Variants in USP32 observed in about 807,000 individuals in gnomAD.
The protein encoded by USP32 is ubiquitin specific peptidase 32.
Under a neutral mutation model 204.8 loss-of-function variants are expected in USP32, and 59 were observed. That is an observed-to-expected ratio of 0.29 (90% CI 0.23 to 0.36). USP32 has a LOEUF of 0.36. USP32 is among the 10% of genes least tolerant of loss of function. The pLI, the probability that USP32 is intolerant of heterozygous loss-of-function variation, is 1.00. For missense variants in USP32, 1,160 were observed against 1,946.4 expected (o/e 0.60, Z 7.60); for synonymous variants, 517 against 678.4 (o/e 0.76, Z 3.70).
In USP32 at chr17:60,269,511, A is replaced by G; in HGVS notation, c.750T>C (p.Phe250=). 6.2e-7 allele frequency: 1 copy of G among 1,611,540 alleles called. No homozygotes were observed. The highest frequency in any genetic ancestry group is 1.1e-5 in the South Asian group (1 of 90,440). ...FDENRDNHID[F]KEISCGLSAC... ...CTGATAACCCACAGGATATCTCCTT[A>G]AAATCTATGTGATTGTCACGATTTT... The change falls in exon 7 of 34, where the codon TTT becomes TTC. Residue 250 remains phenylalanine (F), a synonymous_variant. Transcript: ENST00000300896.
At chr17:60,370,473 A>C (rs1420073767) in intron 1 of USP32, among the ~76,000 whole-genome samples, 1 of 152,154 alleles carries the variant, frequency 6.6e-6, no homozygotes, top group East Asian at 1.9e-4. Flanking sequence ...TCAAAAAATT[A>C]TTTGAGGCTG....
chr17:60,295,745 G>C (rs1471253386), intron 3 of USP32, among the ~76,000 whole-genome samples: 1 of 151,558 alleles, frequency 6.6e-6, no homozygotes, highest in East Asian at 1.9e-4. Flanking sequence ...ATAGTATATT[G>C]TTATAATATT....
At chr17:60,364,129 T>C (rs1287297416) in intron 1 of USP32, among the ~76,000 whole-genome samples, 2 of 152,096 alleles carry the variant, frequency 1.3e-5, no homozygotes, top group Non-Finnish European at 1.5e-5. Context: ...GGTGAGAGCC[T>C]TTTCCTCATA....
intron 31 of USP32, among the ~76,000 whole-genome samples, chr17:60,182,384 T>C (rs2084133294): frequency 6.6e-6 from 1 of 152,228 alleles, no homozygotes; most frequent in Non-Finnish European, 1.5e-5. Flanking sequence ...GACGATATTA[T>C]TCCATGTCAT....
At chr17:60,238,829 G>C (rs1286917398) in intron 11 of USP32, among the ~76,000 whole-genome samples, 1 of 150,638 alleles carries the variant, frequency 6.6e-6, no homozygotes, top group Non-Finnish European at 1.5e-5. Context: ...AAAATTAGCT[G>C]GTTGTGGTGG....
At chr17:60,219,469 C>A (rs565095642) in intron 16 of USP32, 9 of 747,680 alleles carry the variant, frequency 1.2e-5, no homozygotes, top group African/African-American at 3.6e-5. Context: ...TAGTTCTAAG[C>A]CCTGTAAAAA....
chr17:60,371,253 TAAA>T (rs373242290), intron 1 of USP32, among the ~76,000 whole-genome samples: 2 of 66,290 alleles, frequency 3.0e-5, no homozygotes, highest in African/African-American at 5.2e-5. Flanking sequence ...CTCTAAAAAT[TAAA>T]AAAAAAAAAA....
intron 21 of USP32, among the ~76,000 whole-genome samples, chr17:60,210,504 G>A (rs1290076299): frequency 6.6e-6 from 1 of 152,030 alleles, no homozygotes; most frequent in Admixed American, 6.6e-5. Context: ...ACAGGGTTTC[G>A]CCATCTTGTC....
At chr17:60,421,674 C>A (rs917889107) in intron 1 of USP32, 1 of 887,116 alleles carries the variant, frequency 1.1e-6, no homozygotes, top group Non-Finnish European at 1.4e-6. Flanking sequence ...GCGCCAGGGG[C>A]GAGGGTCCCG....
intron 16 of USP32, 103 bp from the exon 17 acceptor site, chr17:60,214,877 T>C (rs2085062992): frequency 1.3e-6 from 2 of 1,514,742 alleles, no homozygotes; most frequent in Middle Eastern, 2.0e-4. Flanking sequence ...TAATGAGAAA[T>C]GAGAATTACA....
intron 1 of USP32, among the ~76,000 whole-genome samples, chr17:60,405,841 A>G (rs1003273518): frequency 2.0e-5 from 3 of 152,166 alleles, no homozygotes; most frequent in Non-Finnish European, 4.4e-5. Flanking sequence ...ACCATCGTGC[A>G]TAGAATTTTA....
chr17:60,341,141 A>G (rs2088648670), intron 2 of USP32, among the ~76,000 whole-genome samples: 2 of 151,988 alleles, frequency 1.3e-5, no homozygotes, highest in South Asian at 2.1e-4. Flanking sequence ...TCTGACAACT[A>G]TGTGTCTTGG....
intron 6 of USP32, among the ~76,000 whole-genome samples, chr17:60,269,968 G>A (rs1039915816): frequency 2.1e-4 from 32 of 152,024 alleles, no homozygotes; most frequent in African/African-American, 7.2e-5. Flanking sequence ...ATGAATACTC[G>A]AAGATACACT....
Position 60,370,597 on chromosome 17 carries a change from C to CA in USP32, c.58+21284dup, listed in dbSNP as rs200083885. Among the ~76,000 whole-genome samples the CA allele has an allele frequency of 4.2e-3, 622 of 148,876 alleles. 4 individuals are homozygous for CA. The highest frequency in any genetic ancestry group is 0.014 in the African/African-American group (587 of 40,628). On this transcript the variant is annotated intron_variant, in intron 1 of 33. Coordinates refer to ENST00000300896, the MANE Select transcript of USP32 (RefSeq NM_032582.4). ...GCAACATGGCAAAACCCTGCCTCTA[C>CA]AAAAAAAAATACAAAAAAAATTAGC...
chr17:60,383,016 G>C (rs1227750616), intron 1 of USP32, among the ~76,000 whole-genome samples: 1 of 152,076 alleles, frequency 6.6e-6, no homozygotes, highest in Non-Finnish European at 1.5e-5. Context: ...GGGAGGCCGA[G>C]GCAGGTGGAT....
Position 60,184,152 on chromosome 17 carries a change from A to T in USP32, c.3835-699T>A, listed in dbSNP as rs561891762. On this transcript the variant is annotated intron_variant, in intron 30 of 33. Coordinates refer to ENST00000300896, the MANE Select transcript of USP32 (RefSeq NM_032582.4). Reference sequence around the variant, plus strand: ...ATAAATAAATAAATAAATAAATAAAAAACACACAAAAAATTAGCCAGGCGT... The same window carrying T: ...ATAAATAAATAAATAAATAAATAAATAACACACAAAAAATTAGCCAGGCGT... Among the ~76,000 whole-genome samples, 55 of 151,304 alleles carry T rather than the reference A, an allele frequency of 3.6e-4. 1 individual carries two copies. The East Asian group carries it at 7.0e-3, about 19-fold the overall frequency.
At position 60,205,217 on chromosome 17, in the gene USP32, C is replaced by A. The variant is rs184933745; in HGVS notation, c.3249+230G>T. On this transcript the variant is annotated intron_variant, in intron 26 of 33. Transcript: ENST00000300896. ...CCATGAGTAATACTAAATCCTGGCT[C>A]TGATCACTTATATTAGCATATATAA... Among the ~76,000 whole-genome samples, 2 of 152,262 alleles carry A rather than the reference C, an allele frequency of 1.3e-5. 1 individual carries two copies. The highest frequency in any genetic ancestry group is 1.3e-4 in the Admixed American group (2 of 15,300).
chr17:60,259,469 G>A (rs1002912548), intron 9 of USP32, among the ~76,000 whole-genome samples: 1 of 152,140 alleles, frequency 6.6e-6, no homozygotes, highest in African/African-American at 2.4e-5. Flanking sequence ...TCAGTGGGAT[G>A]GAGTCTTGTC....
At chr17:60,275,400 T>A (rs1231759745) in intron 5 of USP32, among the ~76,000 whole-genome samples, 1 of 152,060 alleles carries the variant, frequency 6.6e-6, no homozygotes, top group Non-Finnish European at 1.5e-5. Flanking sequence ...GAGTTTACAG[T>A]GAGCCGAGAT....
Sources: allele counts gnomAD v4.1 joint callset (sites outside exome capture counted in the v4.1 genomes callset), GRCh38; gene constraint gnomAD v4.1.1; transcripts MANE v1.5; gene names NCBI Gene and HGNC (gene_info 2026-07-23, HGNC 2026-07-21).